SPAG9: variants seen among roughly 807,000 people sequenced by gnomAD.
The protein encoded by SPAG9 is C-Jun-amino-terminal kinase-interacting protein 4.
A neutral mutation model predicts 166.5 loss-of-function variants in SPAG9; 35 were observed. The ratio of observed to expected loss-of-function variants is 0.21; its 90% confidence interval spans 0.16 to 0.28. SPAG9 has a LOEUF of 0.28. Among genes scored for constraint, SPAG9 ranks in the 10% least tolerant of loss-of-function variants. The probability of loss-of-function intolerance (pLI) is 1.00; values close to 1 mark genes in which losing one functional copy is unlikely to be tolerated. For missense variants in SPAG9, 1,235 were observed against 1,603.3 expected (o/e 0.77, Z 3.92); for synonymous variants, 534 against 565.5 (o/e 0.94, Z 0.79).
Position 50,998,051 on chromosome 17 carries a change from T to TTA in SPAG9, c.1838+392_1838+393insTA, listed in dbSNP as rs1567978804. ...TTTTTTTTTTTTTTTTTTTTTTTTT[T>TTA]AAAGATGGAATCTCACTCTGTCACC... On this transcript the variant is annotated intron_variant, in intron 15 of 29. Transcript: ENST00000262013. Among the ~76,000 whole-genome samples the TTA allele has an allele frequency of 2.1e-5, 3 of 144,536 alleles. 1 individual carries two copies. Among genetic ancestry groups the TTA allele is most frequent in the African/African-American group, 7.7e-5 (3 of 38,780 alleles). 94.8% of individuals were successfully genotyped at this position (144,536 alleles called of 152,430 possible).
rs1182177795 is a variant in SPAG9 at position 51,120,847 on chromosome 17, A to G, written c.-191T>C. 2 of 372,656 alleles carry G rather than the reference A, an allele frequency of 5.4e-6. No homozygotes were observed. The highest frequency in any genetic ancestry group is 9.4e-6 in the Non-Finnish European group (2 of 212,652). 23.1% of individuals were successfully genotyped at this position (372,656 alleles called of 1,614,324 possible). On this transcript the variant is annotated 5_prime_UTR_variant, in exon 1 of 30. Transcript: ENST00000262013. This position sits in a 1 kb window ranked among gnomAD's most constrained non-coding sequence, Gnocchi z 4.7. The stretch of plus-strand genomic sequence containing the variant: ...GGGGTGGCGTAGGCGCTCTCACCCC[A>G]ACCGCCGCTGCACCAACTGCCGGGG...
At chr17:51,063,852 A>G (rs979283112) in intron 2 of SPAG9, among the ~76,000 whole-genome samples, 1 of 152,254 alleles carries the variant, frequency 6.6e-6, no homozygotes, top group African/African-American at 2.4e-5. Context: ...ACTGCACTCC[A>G]GCCTGGGCAA....
chr17:51,044,027 T>G (rs1320257426), intron 4 of SPAG9, among the ~76,000 whole-genome samples: 2 of 152,180 alleles, frequency 1.3e-5, no homozygotes, highest in African/African-American at 4.8e-5. Flanking sequence ...GAAACTACTC[T>G]ACAGGGAGGG....
intron 2 of SPAG9, among the ~76,000 whole-genome samples, chr17:51,075,921 C>T (rs994492804): frequency 9.9e-5 from 15 of 151,786 alleles, no homozygotes; most frequent in African/African-American, 3.1e-4. Flanking sequence ...CAGTGAAGCC[C>T]TGTCTCTACT....
At chr17:50,978,801 T>C (rs2143682563) in intron 26 of SPAG9, among the ~76,000 whole-genome samples, 1 of 152,212 alleles carries the variant, frequency 6.6e-6, no homozygotes, top group East Asian at 1.9e-4. Context: ...AGGAGAGTGT[T>C]TGAGAACATG....
At chr17:51,077,041 TCTAG>T (rs1219566936) in intron 2 of SPAG9, among the ~76,000 whole-genome samples, 9 of 98,516 alleles carry the variant, frequency 9.1e-5, no homozygotes, top group Non-Finnish European at 1.4e-4. Context: ...TATCTAGCTA[TCTAG>T]CTATCTAGCT....
intron 1 of SPAG9, among the ~76,000 whole-genome samples, chr17:51,093,181 C>G (rs1022183042): frequency 2.0e-5 from 3 of 146,634 alleles, no homozygotes; most frequent in Non-Finnish European, 3.0e-5. Flanking sequence ...TCGAGACAAG[C>G]CTAGGCAAAA....
At chr17:51,049,044 A>C (rs1412097163) in intron 3 of SPAG9, among the ~76,000 whole-genome samples, 1 of 152,238 alleles carries the variant, frequency 6.6e-6, no homozygotes, top group Non-Finnish European at 1.5e-5. Flanking sequence ...AGTGACTGTC[A>C]GGCTTAATCA....
intron 1 of SPAG9, among the ~76,000 whole-genome samples, chr17:51,086,068 A>T (rs1598154082): frequency 6.8e-6 from 1 of 146,668 alleles, no homozygotes; most frequent in African/African-American, 2.6e-5. Context: ...TCTTGGGTTC[A>T]AGCAGTTCTC....
chr17:50,991,964 T>C (rs1975600805), intron 19 of SPAG9, among the ~76,000 whole-genome samples: 1 of 128,914 alleles, frequency 7.8e-6, no homozygotes, highest in African/African-American at 2.8e-5. Context: ...AAACACAGGG[T>C]CTTACTCCCA....
intron 1 of SPAG9, among the ~76,000 whole-genome samples, chr17:51,097,501 A>G (rs546170737): frequency 6.6e-6 from 1 of 152,290 alleles, no homozygotes; most frequent in East Asian, 1.9e-4. Flanking sequence ...GCAACACAGC[A>G]AGACCTTCAT....
intron 6 of SPAG9, among the ~76,000 whole-genome samples, chr17:51,021,578 T>A (rs1230593247): frequency 6.6e-6 from 1 of 152,196 alleles, no homozygotes; most frequent in Admixed American, 6.5e-5. Flanking sequence ...TTTCAAATGA[T>A]ATTTTTCTAA....
intron 21 of SPAG9, among the ~76,000 whole-genome samples, chr17:50,989,051 GA>G (rs967637595): frequency 1.6e-4 from 23 of 147,628 alleles, no homozygotes; most frequent in African/African-American, 4.2e-4. Flanking sequence ...CAAAAAAAAA[GA>G]AAAAAAAACA....
chr17:51,046,798 C>T (rs946813747), intron 4 of SPAG9: 2 of 1,534,178 alleles, frequency 1.3e-6, no homozygotes, highest in Non-Finnish European at 1.7e-6. Flanking sequence ...TCCACTCCAT[C>T]CTGCAGCAGC....
chr17:51,034,102 T>C (rs1414408382), intron 5 of SPAG9, among the ~76,000 whole-genome samples: 5 of 152,156 alleles, frequency 3.3e-5, no homozygotes, highest in African/African-American at 9.7e-5. Flanking sequence ...CATGAAGATA[T>C]ATGTGAGGAA....
chr17:51,090,310 C>T (rs1471320054), intron 1 of SPAG9, among the ~76,000 whole-genome samples: 1 of 152,068 alleles, frequency 6.6e-6, no homozygotes, highest in Non-Finnish European at 1.5e-5. Flanking sequence ...ATCATGAGGT[C>T]AGGAATTCAA....
intron 1 of SPAG9, among the ~76,000 whole-genome samples, chr17:51,080,543 T>G (rs532096443): frequency 6.6e-6 from 1 of 152,250 alleles, no homozygotes; most frequent in South Asian, 2.1e-4. Context: ...GAATTCCAGA[T>G]TTGTATGTCC....
Position 50,974,890 on chromosome 17 carries a change from C to T in SPAG9, c.3581G>A (p.Gly1194Asp). The T allele has an allele frequency of 6.2e-7, 1 of 1,612,964 alleles. No homozygotes were observed. The highest frequency in any genetic ancestry group is 1.1e-5 in the South Asian group (1 of 90,818). ...NRPGSVIRVYGDENSDKVTPG... is the reference protein window; with the variant it reads ...NRPGSVIRVYDDENSDKVTPG... The stretch of plus-strand genomic sequence containing the variant: ...AGTCACTTTATCACTGTTTTCATCA[C>T]CATATACACGGATTACACTTCCAGG... The change falls in exon 28 of 30, where the codon GGT becomes GAT. Residue 1194 changes from glycine (G) to aspartate (D), a missense_variant. Gly to Asp is a moderately conservative substitution (Grantham distance 94, BLOSUM62 -1). This residue lies in a region of SPAG9 where 243 missense variants were observed against 358.6 expected (regional missense o/e 0.68). Transcript: ENST00000262013.
intron 1 of SPAG9, among the ~76,000 whole-genome samples, chr17:51,083,776 T>G (rs1226124650): frequency 1.3e-5 from 2 of 151,822 alleles, no homozygotes; most frequent in African/African-American, 4.8e-5. Context: ...TTCTTAATCA[T>G]TAGGGGGTCC....
Sources: gnomAD v4.1 joint callset for allele counts (sites outside exome capture counted in the v4.1 genomes callset) on GRCh38, gnomAD v4.1.1 for gene constraint, gnomAD v4.1.1 regional missense constraint, Gnocchi (gnomAD v3.1) non-coding constraint, MANE v1.5 for transcripts, NCBI Gene and HGNC (gene_info 2026-07-23, HGNC 2026-07-21) for gene names.